The following TNS3 variants were observed in gnomAD, a reference collection of about 807,000 sequenced individuals.
TNS3 encodes the protein tensin-3.
A neutral mutation model predicts 140.9 loss-of-function variants in TNS3; 45 were observed. That is an observed-to-expected ratio of 0.32 (90% CI 0.25 to 0.41). The LOEUF is 0.41. Ranked by LOEUF, TNS3 falls within the 10% of genes least tolerant of loss-of-function variation. The pLI is 1.00. For synonymous variants in TNS3, 815 were observed against 788.4 expected (o/e 1.03, Z -0.56); for missense variants, 1,716 against 1,906.7 (o/e 0.90, Z 1.86).
intron 1 of TNS3, among the ~76,000 whole-genome samples, chr7:47,576,342 G>C (rs1160464142): frequency 6.6e-6 from 1 of 152,144 alleles, no homozygotes; most frequent in Non-Finnish European, 1.5e-5. Context: ...CAGTGGAGGA[G>C]CAAACCTGTG....
intron 13 of TNS3, chr7:47,405,653 C>T (rs1793404260): frequency 1.0e-5 from 7 of 697,334 alleles, no homozygotes; most frequent in Non-Finnish European, 7.9e-6. Flanking sequence ...AAGACCCAGC[C>T]CAGTCTAAAA....
At position 47,303,171 on chromosome 7, in the gene TNS3, C is replaced by T; in HGVS notation, c.3236G>A (p.Ser1079Asn). The T allele has an allele frequency of 6.2e-7, 1 of 1,613,594 alleles. No individual in the cohort carries two copies. The highest frequency in any genetic ancestry group is 1.1e-5 in the South Asian group (1 of 91,060). ...NFLTVAPGHS[S>N]HHSPGLQGQG... Reference sequence around the variant, plus strand: ...GCCCTGCAGGCCTGGACTGTGGTGGCTGCTGTGTCCAGGCGCCACCGTGAG... The same window carrying T: ...GCCCTGCAGGCCTGGACTGTGGTGGTTGCTGTGTCCAGGCGCCACCGTGAG... Residue 1079 changes from serine to asparagine, a missense_variant, in exon 22 of 31, where the codon AGC becomes AAC. Around this residue, in one of 3 missense-constraint regions of TNS3, gnomAD observed 1,163 missense variants for 1,182.1 expected, o/e 0.98. Transcript: ENST00000311160.
At chr7:47,557,992 G>A (rs1290606098) in intron 1 of TNS3, among the ~76,000 whole-genome samples, 2 of 152,184 alleles carry the variant, frequency 1.3e-5, no homozygotes, top group Non-Finnish European at 2.9e-5. Flanking sequence ...TCTGCCCATC[G>A]TCCCTCTGGC....
chr7:47,524,734 G>A lies in TNS3; in HGVS notation c.-153+4302C>T, dbSNP rs567304705. On this transcript the variant is annotated intron_variant, in intron 2 of 30. Coordinates refer to ENST00000311160, the MANE Select transcript of TNS3 (RefSeq NM_022748.12). ...GGAGAATGGCGTGAACCCGGGAGGC[G>A]GAGCTTGCAGTGAGCCGAGATCGCG... Among the ~76,000 whole-genome samples, 1,168 of 145,900 alleles carry A rather than the reference G, an allele frequency of 8.0e-3. 17 individuals carry two copies. Among genetic ancestry groups the A allele is most frequent in the African/African-American group, 0.029 (1,099 of 38,130 alleles).
At chr7:47,414,089 C>T in intron 11 of TNS3, 92 bp from the exon 12 acceptor site, 1 of 1,337,534 alleles carries the variant, frequency 7.5e-7, no homozygotes, top group African/African-American at 1.5e-5. Flanking sequence ...GACGAGGAGA[C>T]CAGGAGACTG....
At chr7:47,374,118 AG>A in intron 16 of TNS3, among the ~76,000 whole-genome samples, 1 of 152,312 alleles carries the variant, frequency 6.6e-6, no homozygotes, top group Middle Eastern at 3.4e-3. Flanking sequence ...ACCCAATCTA[AG>A]GGTTCTAAAT....
At chr7:47,558,679 G>A (rs1800258869) in intron 1 of TNS3, among the ~76,000 whole-genome samples, 1 of 152,104 alleles carries the variant, frequency 6.6e-6, no homozygotes, top group Non-Finnish European at 1.5e-5. Context: ...TCCCACGCAT[G>A]AGGAGAGGAC....
At chr7:47,352,398 T>A (rs1443298234) in intron 17 of TNS3, among the ~76,000 whole-genome samples, 1 of 152,138 alleles carries the variant, frequency 6.6e-6, no homozygotes, top group Non-Finnish European at 1.5e-5. Flanking sequence ...ACACGCTCAC[T>A]CACACCCACC....
chr7:47,428,375 C>G lies in TNS3; in HGVS notation c.326G>C (p.Gly109Ala). The change falls in exon 9 of 31, where the codon GGC becomes GCC. Residue 109 changes from glycine to alanine, a missense_variant and splice_region_variant. By Grantham distance (60) the Gly-to-Ala change is moderately conservative (BLOSUM62 0). Coordinates refer to ENST00000311160, the MANE Select transcript of TNS3 (RefSeq NM_022748.12). ...GACCACTCCTATGCGTCCTTTCCCGCCCTGCAGGAGACAAAAGATCAGCTG... is the reference window on the plus strand; with the variant it reads ...GACCACTCCTATGCGTCCTTTCCCGGCCTGCAGGAGACAAAAGATCAGCTG... The part of the protein sequence containing the change: ...LQHVVVIHCR[G>A]GKGRIGVVIS... 7.0e-7 allele frequency: 1 copy of G among 1,427,418 alleles called. No individual in the cohort carries two copies. Among genetic ancestry groups the G allele is most frequent in the South Asian group, 1.7e-5 (1 of 59,988 alleles). The allele number at this position is 1,427,418 out of a possible 1,614,324, so 88.4% of individuals were successfully genotyped here. A position where few individuals can be genotyped will look rare whatever the true frequency, so the allele number is the denominator to read the frequency against.
At chr7:47,473,800 T>C in intron 4 of TNS3, among the ~76,000 whole-genome samples, 1 of 152,114 alleles carries the variant, frequency 6.6e-6, no homozygotes, top group East Asian at 1.9e-4. Flanking sequence ...CACCCAGTAA[T>C]TTACAGGTGG....
In TNS3 at chr7:47,368,569, G is replaced by A. The variant is rs527778884; in HGVS notation, c.2077C>T (p.Leu693=). 6.4e-7 allele frequency: 1 copy of A among 1,569,418 alleles called. No homozygotes were observed. The highest frequency in any genetic ancestry group is 1.4e-5 in the African/African-American group (1 of 74,054). Reference sequence around the variant, plus strand: ...TGCTCGATGGACTGGTCGATGTCCAGGGTGGGCGAGCCTGGGGAGGGGCCT... The same window carrying A: ...TGCTCGATGGACTGGTCGATGTCCAAGGTGGGCGAGCCTGGGGAGGGGCCT... ...STGPSPGSPT[L]DIDQSIEQLN... is the part of the protein sequence containing the mutation. The change falls in exon 17 of 31, where the codon CTG becomes TTG. Residue 693 remains leucine, a synonymous_variant. Coordinates refer to ENST00000311160, the MANE Select transcript of TNS3 (RefSeq NM_022748.12).
intron 9 of TNS3, among the ~76,000 whole-genome samples, chr7:47,426,585 AACATTCTGGGAAGT>A (rs1794662899): frequency 6.7e-6 from 1 of 150,010 alleles, no homozygotes; most frequent in Non-Finnish European, 1.5e-5. Context: ...GAACTGTCAC[AACATTCTGGGAAGT>A]AGAGCTACCA....
At chr7:47,437,840 C>T (rs1301289839) in intron 6 of TNS3, among the ~76,000 whole-genome samples, 4 of 149,340 alleles carry the variant, frequency 2.7e-5, no homozygotes, top group Non-Finnish European at 5.9e-5. Context: ...ATAAATATCA[C>T]GGTCTTGCTC....
intron 2 of TNS3, among the ~76,000 whole-genome samples, chr7:47,513,933 G>A (rs1798694124): frequency 6.6e-6 from 1 of 152,258 alleles, no homozygotes; most frequent in Non-Finnish European, 1.5e-5. Flanking sequence ...ACAGCCCAGA[G>A]CTGTCTGGCT....
chr7:47,380,277 G>A (rs2151217795), intron 16 of TNS3, among the ~76,000 whole-genome samples: 1 of 152,338 alleles, frequency 6.6e-6, no homozygotes, highest in African/African-American at 2.4e-5. Flanking sequence ...TTCAGCAGGC[G>A]CCTATCTCAG....
intron 15 of TNS3, among the ~76,000 whole-genome samples, chr7:47,398,404 A>G (rs183509403): frequency 2.0e-4 from 31 of 152,320 alleles, no homozygotes; most frequent in African/African-American, 7.5e-4. Context: ...TCCCTGATGA[A>G]CATAGATGCA....
intron 1 of TNS3, among the ~76,000 whole-genome samples, chr7:47,580,812 T>C (rs1784510387): frequency 6.6e-6 from 1 of 152,080 alleles, no homozygotes; most frequent in Non-Finnish European, 1.5e-5. Context: ...ATCTAAAATG[T>C]CAAAGGGTTG....
At chr7:47,369,703 G>A in intron 16 of TNS3, 82 bp from the exon 17 acceptor site, 1 of 1,414,394 alleles carries the variant, frequency 7.1e-7, no homozygotes, top group Non-Finnish European at 9.4e-7. Context: ...GTGTGCATCT[G>A]TCTAAACAAA....
intron 1 of TNS3, chr7:47,581,485 G>GCCC (rs1244372279): frequency 6.6e-6 from 1 of 152,220 alleles, no homozygotes; most frequent in Non-Finnish European, 1.5e-5. Context: ...GCCCATTGAA[G>GCCC]CCCCTAGCTG....
Sources: allele counts gnomAD v4.1 joint callset (sites outside exome capture counted in the v4.1 genomes callset), GRCh38; gene constraint gnomAD v4.1.1; regional missense constraint gnomAD v4.1.1; transcripts MANE v1.5; gene names NCBI Gene and HGNC (gene_info 2026-07-23, HGNC 2026-07-21).